Variants in USH2A observed in about 807,000 individuals in gnomAD.
USH2A encodes usherin.
USH2A carries 443 observed loss-of-function variants against 538.9 expected under a neutral mutation model. The observed-to-expected ratio is 0.82, with a 90% CI of 0.76 to 0.89. The LOEUF (loss-of-function observed/expected upper bound fraction) is 0.89, where lower values mean the gene tolerates loss of function less well. Among genes scored for constraint, USH2A ranks in the 40% least tolerant of loss-of-function variants. The probability of loss-of-function intolerance (pLI) is 0.00; values close to 1 mark genes in which losing one functional copy is unlikely to be tolerated. For missense variants in USH2A, 6,633 were observed against 6,324.8 expected, an observed-to-expected ratio of 1.05 and a Z score of -1.65; for synonymous variants, 2,413 against 2,273.5, an observed-to-expected ratio of 1.06 and a Z score of -1.75.
intron 61 of USH2A, among the ~76,000 whole-genome samples, chr1:215,691,027 G>A (rs1658585639): frequency 6.6e-6 from 1 of 152,104 alleles, no homozygotes; most frequent in African/African-American, 2.4e-5. Context: ...GGGACTACAG[G>A]CAAGCACCAA....
intron 21 of USH2A, among the ~76,000 whole-genome samples, chr1:216,121,955 C>A (rs532603698): frequency 1.3e-5 from 2 of 152,162 alleles, no homozygotes; most frequent in African/African-American, 4.8e-5. Flanking sequence ...GTACTAAATC[C>A]ATTCCAGTGA....
At chr1:216,003,112 T>A (rs1205094846) in intron 32 of USH2A, among the ~76,000 whole-genome samples, 1 of 152,030 alleles carries the variant, frequency 6.6e-6, no homozygotes, top group Non-Finnish European at 1.5e-5. Flanking sequence ...CTATAACAAC[T>A]GGGACTGGGG....
chr1:215,958,168 C>T (rs1057242989), intron 37 of USH2A, among the ~76,000 whole-genome samples: 9 of 152,170 alleles, frequency 5.9e-5, no homozygotes, highest in African/African-American at 2.2e-4. Flanking sequence ...TTATAAAACA[C>T]AGTATATTCT....
At position 215,782,807 on chromosome 1, in the gene USH2A, T is replaced by C. The variant is rs1571682283; in HGVS notation, c.10516A>G (p.Thr3506Ala). The C allele has an allele frequency of 6.2e-7, 1 of 1,613,894 alleles. No individual in the cohort carries two copies. The highest frequency in any genetic ancestry group is 1.1e-5 in the South Asian group (1 of 91,090). The change falls in exon 53 of 72, where the codon ACG becomes GCG. Residue 3506 changes from threonine (T) to alanine (A), a missense_variant. Thr to Ala is a moderately conservative substitution (Grantham distance 58). Coordinates refer to ENST00000307340, the MANE Select transcript of USH2A (RefSeq NM_206933.4). Reference sequence around the variant, plus strand: ...TCAAGATTGTCTATTTTGGTCCACGTAGGGGGACTCACTCCTTGAGGCACA... The same window carrying C: ...TCAAGATTGTCTATTTTGGTCCACGCAGGGGGACTCACTCCTTGAGGCACA... ...EDVPQGVSPP[T>A]WTKIDNLEDT... is the part of the protein sequence containing the mutation.
chr1:216,213,485 A>G (rs2035284832), intron 15 of USH2A, among the ~76,000 whole-genome samples: 1 of 152,044 alleles, frequency 6.6e-6, no homozygotes, highest in Admixed American at 6.5e-5. Flanking sequence ...AAAGGATGGC[A>G]ATTTCAACAA....
intron 21 of USH2A, among the ~76,000 whole-genome samples, chr1:216,170,482 A>C (rs182900236): frequency 6.6e-6 from 1 of 152,250 alleles, no homozygotes; most frequent in East Asian, 1.9e-4. Flanking sequence ...ATCCAGGTGC[A>C]TGTGTGTGCT....
intron 30 of USH2A, among the ~76,000 whole-genome samples, chr1:216,056,431 T>G (rs2030975968): frequency 6.6e-6 from 1 of 152,096 alleles, no homozygotes; most frequent in Non-Finnish European, 1.5e-5. Flanking sequence ...TTGGAGTGAG[T>G]GTACTGTATG....
chr1:215,926,280 T>A (rs899622030), intron 38 of USH2A, among the ~76,000 whole-genome samples: 1 of 151,364 alleles, frequency 6.6e-6, no homozygotes, highest in African/African-American at 2.4e-5. Flanking sequence ...ACACATTTCA[T>A]TGCTCTAAGG....
At chr1:216,124,150 C>T (rs2102596954) in intron 21 of USH2A, among the ~76,000 whole-genome samples, 1 of 152,148 alleles carries the variant, frequency 6.6e-6, no homozygotes, top group Non-Finnish European at 1.5e-5. Flanking sequence ...TGTATAAACA[C>T]AATGTTGCCC....
At chr1:215,801,422 A>C (rs1388793553) in intron 49 of USH2A, among the ~76,000 whole-genome samples, 1 of 151,828 alleles carries the variant, frequency 6.6e-6, no homozygotes, top group Non-Finnish European at 1.5e-5. Context: ...TGTTACAACT[A>C]ATAAACAATT....
intron 64 of USH2A, among the ~76,000 whole-genome samples, chr1:215,659,575 G>A (rs1657378905): frequency 6.6e-6 from 1 of 152,000 alleles, no homozygotes; most frequent in African/African-American, 2.4e-5. Flanking sequence ...TTTTGTAAGT[G>A]ACAATACCCT....
chr1:215,765,552 A>G (rs1246857216), intron 56 of USH2A, among the ~76,000 whole-genome samples: 1 of 152,160 alleles, frequency 6.6e-6, no homozygotes, highest in African/African-American at 2.4e-5. Flanking sequence ...TATGAAAAAT[A>G]GGCAGATAAT....
chr1:215,997,548 A>T (rs1668169497), intron 34 of USH2A, among the ~76,000 whole-genome samples: 2 of 151,934 alleles, frequency 1.3e-5, no homozygotes, highest in African/African-American at 4.8e-5. Context: ...CTAATCTACT[A>T]GTATGTATTT....
chr1:216,275,959 G>A (rs1353988529), intron 11 of USH2A, among the ~76,000 whole-genome samples: 1 of 152,066 alleles, frequency 6.6e-6, no homozygotes, highest in Non-Finnish European at 1.5e-5. Context: ...TCTGCTGTAG[G>A]TTTCCTCTTA....
chr1:216,033,947 C>G (rs752565342), intron 32 of USH2A, among the ~76,000 whole-genome samples: 1 of 151,744 alleles, frequency 6.6e-6, no homozygotes, highest in African/African-American at 2.4e-5. Flanking sequence ...TTACTTTTCC[C>G]AAAGATAAAA....
intron 44 of USH2A, among the ~76,000 whole-genome samples, chr1:215,857,884 A>C (rs1664212582): frequency 6.6e-6 from 1 of 152,160 alleles, no homozygotes; most frequent in African/African-American, 2.4e-5. Flanking sequence ...GTGTATAGCC[A>C]GGGAGGGGTG....
chr1:216,147,921 T>G (rs2033744556), intron 21 of USH2A, among the ~76,000 whole-genome samples: 1 of 139,278 alleles, frequency 7.2e-6, no homozygotes, highest in Non-Finnish European at 1.6e-5. Flanking sequence ...AAAATCGGAC[T>G]GTTCAACTCA....
intron 64 of USH2A, among the ~76,000 whole-genome samples, chr1:215,651,033 A>G (rs1245017828): frequency 6.6e-6 from 1 of 152,140 alleles, no homozygotes; most frequent in Non-Finnish European, 1.5e-5. Context: ...GTGAACACAA[A>G]GGGGGCCGTT....
intron 61 of USH2A, among the ~76,000 whole-genome samples, chr1:215,703,662 C>T (rs772197003): frequency 7.9e-5 from 12 of 152,108 alleles, no homozygotes; most frequent in East Asian, 1.9e-4. Context: ...CATCCCTCCC[C>T]GAACCAAGGT....
Sources: gnomAD v4.1 joint callset for allele counts (sites outside exome capture counted in the v4.1 genomes callset) on GRCh38, gnomAD v4.1.1 for gene constraint, MANE v1.5 for transcripts, NCBI Gene and HGNC (gene_info 2026-07-23, HGNC 2026-07-21) for gene names.